MYBPC3: variants seen among roughly 807,000 people sequenced by gnomAD.
MYBPC3 encodes myosin-binding protein C, cardiac-type.
MYBPC3 carries 108 observed loss-of-function variants against 159.3 expected under a neutral mutation model. The ratio of observed to expected loss-of-function variants is 0.68; its 90% CI spans 0.58 to 0.80. MYBPC3 has a LOEUF of 0.80. MYBPC3 is among the 30% of genes least tolerant of loss of function. The pLI is 0.00. For synonymous variants in MYBPC3, 730 were observed against 702.0 expected, an observed-to-expected ratio of 1.04 and a Z score of -0.63; for missense variants, 1,631 against 1,762.1, an observed-to-expected ratio of 0.93 and a Z score of 1.33.
chr11:47,341,010 G>T lies in MYBPC3; in HGVS notation c.1920C>A (p.Pro640=). 6.4e-7 allele frequency: 1 copy of T among 1,568,538 alleles called. No individual in the cohort carries two copies. Among genetic ancestry groups the T allele is most frequent in the Non-Finnish European group, 8.6e-7 (1 of 1,157,776 alleles). The change falls in exon 20 of 35, where the codon CCC becomes CCA. Residue 640 remains proline, a synonymous_variant. Coordinates refer to ENST00000545968, the MANE Select transcript of MYBPC3 (RefSeq NM_000256.3). The stretch of plus-strand genomic sequence containing the variant: ...AGGGGCCCCAAGACTTACCCTGCCT[G>T]GGTACGAAGTCAATCTTGACCTCTG... The part of the protein sequence containing the change: ...HFMEVKIDFV[P]RQEPPKIHLD...
chr11:47,332,053 G>C lies in MYBPC3; in HGVS notation c.3814+19C>G. On this transcript the variant is annotated intron_variant, in intron 33 of 34. Coordinates refer to ENST00000545968, the MANE Select transcript of MYBPC3 (RefSeq NM_000256.3). This position sits in a 1 kb window ranked among gnomAD's most constrained non-coding sequence, Gnocchi z 4.2. ...CCGCTCTTCCCATCTCCCAGGCCCT[G>C]GCCCCGAGGGCTCCTCACCTCGCAC... 4 of 1,605,130 alleles carry C rather than the reference G, an allele frequency of 2.5e-6. No individual in the cohort carries two copies. The highest frequency in any genetic ancestry group is 2.6e-6 in the Non-Finnish European group (3 of 1,174,424).
In MYBPC3 at chr11:47,348,496, T is replaced by C. The variant is rs753271103; in HGVS notation, c.700A>G (p.Thr234Ala). The stretch of plus-strand genomic sequence containing the variant: ...GACACCTCACAGCGGTAGCTGCCAG[T>C]GAAGGCAGGCTGGGCATCGGTGATG... ...LHITDAQPAFTGSYRCEVSTK... is the reference protein window; with the variant it reads ...LHITDAQPAFAGSYRCEVSTK... The change falls in exon 6 of 35, where the codon ACT (threonine) becomes GCT (alanine). Residue 234 changes from threonine (T) to alanine (A), a missense_variant. Transcript: ENST00000545968. 1.4e-5 allele frequency: 22 copies of C among 1,613,290 alleles called. 1 individual carries two copies. In the South Asian group the frequency reaches 2.4e-4, roughly 18 times the overall value.
At chr11:47,334,420 T>C (rs2095880301) in intron 27 of MYBPC3, among the ~76,000 whole-genome samples, 1 of 152,190 alleles carries the variant, frequency 6.6e-6, no homozygotes, top group Non-Finnish European at 1.5e-5. Flanking sequence ...GGGAAGTGGA[T>C]CCCAGAGGGA....
At position 47,341,160 on chromosome 11, in the gene MYBPC3, C is replaced by G. The variant is rs1249910550; in HGVS notation, c.1875G>C (p.Leu625=). 6.3e-7 allele frequency: 1 copy of G among 1,595,268 alleles called. No individual in the cohort carries two copies. The highest frequency in any genetic ancestry group is 2.3e-5 in the East Asian group (1 of 43,800). ...CACCCATGAAGTGGAGCTTGGCTGA[C>G]AGGTTGCAGGCGAAGCCCTCGGGCA... The part of the protein sequence containing the change: ...SFVPEGFACN[L]SAKLHFMEVK... The change falls in exon 19 of 35, where the codon CTG becomes CTC. Residue 625 remains leucine, a synonymous_variant. Coordinates refer to ENST00000545968, the MANE Select transcript of MYBPC3 (RefSeq NM_000256.3).
intron 12 of MYBPC3, among the ~76,000 whole-genome samples, chr11:47,343,829 G>A (rs11570070): frequency 2.0e-5 from 3 of 152,132 alleles, no homozygotes; most frequent in Non-Finnish European, 2.9e-5. Flanking sequence ...TGCTCTGTTG[G>A]CCAGGCTGGA....
At chr11:47,342,239 G>A in intron 17 of MYBPC3, 83 bp from the exon 18 acceptor site, 1 of 1,509,774 alleles carries the variant, frequency 6.6e-7, no homozygotes, top group Non-Finnish European at 9.0e-7. Flanking sequence ...TGGGCCCATG[G>A]GCGCTGGTGC....
At chr11:47,342,345 T>C (rs1221023179) in intron 17 of MYBPC3, among the ~76,000 whole-genome samples, 189 bp from the exon 18 acceptor site, 1 of 152,218 alleles carries the variant, frequency 6.6e-6, no homozygotes, top group African/African-American at 2.4e-5. Flanking sequence ...GAACCTCAAG[T>C]GTCTGAGGGG....
chr11:47,350,557 AG>A lies in MYBPC3; in HGVS notation c.350del (p.Pro117LeufsTer42), dbSNP rs397516023. The A allele has an allele frequency of 6.5e-7, 1 of 1,546,084 alleles. No homozygotes were observed. The highest frequency in any genetic ancestry group is 1.4e-5 in the African/African-American group (1 of 71,546). On this transcript the variant is annotated frameshift_variant, in exon 3 of 35. Transcript: ENST00000545968. LOFTEE classifies it high-confidence loss of function. ...CAGCGGCTGGGGCCGGGGCTTCTCC[AG>A]GGGCTCCAGTGGCCTCAGCAGGGGC... is the stretch of plus-strand genomic sequence containing the variant. ...APAPAEATGA[P>X]GEAPAPAAEL...
chr11:47,342,033 T>A lies in MYBPC3; in HGVS notation c.1748A>T (p.Glu583Val), dbSNP rs1233621857. 6.2e-7 allele frequency: 1 copy of A among 1,602,872 alleles called. No individual in the cohort carries two copies. Among genetic ancestry groups the A allele is most frequent in the Non-Finnish European group, 8.5e-7 (1 of 1,174,392 alleles). ...CTTTATGCGGCTGTCGGGCACCAGC[T>A]CCTTCCCATTCTTCAGCCACACACC... ...VRGVWLKNGK[E>V]LVPDSRIKVS... Residue 583 changes from glutamate to valine, a missense_variant, in exon 18 of 35, where the codon GAG becomes GTG. Coordinates refer to ENST00000545968, the MANE Select transcript of MYBPC3 (RefSeq NM_000256.3).
Position 47,335,208 on chromosome 11 carries a change from G to A in MYBPC3, c.2739C>T (p.Cys913=), listed in dbSNP as rs942218205. The stretch of plus-strand genomic sequence containing the variant: ...CCTGCAGGGCAGCCACCCACTCTGA[G>A]CCTGGGGGTGGGGAGGGGGAGGCAA... The part of the protein sequence containing the change: ...GYSVEYCPEG[C]SEWVAALQGL... The change falls in exon 27 of 35, where the codon TGC becomes TGT. Residue 913 remains cysteine (C), a splice_region_variant and synonymous_variant. Coordinates refer to ENST00000545968, the MANE Select transcript of MYBPC3 (RefSeq NM_000256.3). 13 of 1,584,506 alleles carry A rather than the reference G, an allele frequency of 8.2e-6. No homozygotes were observed. The highest frequency in any genetic ancestry group is 1.1e-5 in the South Asian group (1 of 87,102).
intron 20 of MYBPC3, among the ~76,000 whole-genome samples, chr11:47,340,168 T>A (rs2095886963): frequency 6.7e-6 from 1 of 149,848 alleles, no homozygotes; most frequent in Non-Finnish European, 1.5e-5. Flanking sequence ...CACATACACA[T>A]ACACACATGC....
rs1035118341 is a variant in MYBPC3, at chr11:47,348,524, C to T, written c.672G>A (p.Leu224=). ...AGGCAGGCTGGGCATCGGTGATGTG[C>T]AGCTCGAACAGATAGACCTGTGTGC... ...DRASKVYLFE[L]HITDAQPAFT... Residue 224 remains leucine, a synonymous_variant, in exon 6 of 35, where the codon CTG becomes CTA. Coordinates refer to ENST00000545968, the MANE Select transcript of MYBPC3 (RefSeq NM_000256.3). 2.5e-6 allele frequency: 4 copies of T among 1,612,506 alleles called. No homozygotes were observed. The highest frequency in any genetic ancestry group is 3.4e-6 in the Non-Finnish European group (4 of 1,179,296).
rs764545970 is a variant in MYBPC3, at chr11:47,343,671, C to T, written c.1091-47G>A. The T allele has an allele frequency of 4.6e-6, 7 of 1,536,552 alleles. No homozygotes were observed. The African/African-American group carries it at 9.5e-5, about 21-fold the overall frequency. ...CGGCCACCCCACCGCCCGCACCCTG[C>T]TCCCCCAGGCCAAGCTACTGTGGCT... On this transcript the variant is annotated intron_variant, in intron 12 of 34. Transcript: ENST00000545968.
intron 7 of MYBPC3, 41 bp from the exon 8 acceptor site, chr11:47,347,721 C>T: frequency 1.3e-6 from 2 of 1,557,326 alleles, no homozygotes; most frequent in African/African-American, 1.4e-5. Context: ...GCCTGGGAAG[C>T]TTGCTCTCCC....
rs1169655935 is a variant in MYBPC3, at chr11:47,343,158, CGCAGGGAAGTG to C, written c.1227-24_1227-14del. ...CTCAAAGATGTACCTGGGTGGGGGC[CGCAGGGAAGTG>C]GCAGGAAAGCTGCGGACACCCCTCC... On this transcript the variant is annotated splice_polypyrimidine_tract_variant and intron_variant, in intron 14 of 34. Transcript: ENST00000545968. 4 of 1,607,902 alleles carry C rather than the reference CGCAGGGAAGTG, an allele frequency of 2.5e-6. No individual in the cohort carries two copies. In the African/African-American group the frequency reaches 4.0e-5, roughly 16 times the overall value.
At chr11:47,350,649 C>T in intron 2 of MYBPC3, 34 bp from the exon 3 acceptor site, 1 of 1,441,962 alleles carries the variant, frequency 6.9e-7, no homozygotes. Flanking sequence ...GTGGTGCAGC[C>T]ACTAACCAGA....
rs754633960 is a variant in MYBPC3 at position 47,350,544 on chromosome 11, C to T, written c.364G>A (p.Ala122Thr). 7 of 1,554,178 alleles carry T rather than the reference C, an allele frequency of 4.5e-6. No individual in the cohort carries two copies. In the East Asian group the frequency reaches 1.4e-4, roughly 31 times the overall value. The part of the protein sequence containing the change: ...EATGAPGEAP[A>T]PAAELGESAP... ...CTTTCTCCCAGCTCAGCGGCTGGGG[C>T]CGGGGCTTCTCCAGGGGCTCCAGTG... Residue 122 changes from alanine (A) to threonine (T), a missense_variant, in exon 3 of 35, where the codon GCC (alanine) becomes ACC (threonine). By Grantham distance (58) the Ala-to-Thr change is moderately conservative. Transcript: ENST00000545968.
At chr11:47,339,254 G>C (rs1003353936) in intron 22 of MYBPC3, 70 bp downstream of exon 22, 1 of 1,553,154 alleles carries the variant, frequency 6.4e-7, no homozygotes, top group African/African-American at 1.4e-5. Context: ...CCTCGCCAAG[G>C]GCTCGGCACC....
At position 47,347,018 on chromosome 11, in the gene MYBPC3, G is replaced by A. The variant is rs1425018341; in HGVS notation, c.908+9C>T. On this transcript the variant is annotated intron_variant, in intron 10 of 34. Coordinates refer to ENST00000545968, the MANE Select transcript of MYBPC3 (RefSeq NM_000256.3). Reference sequence around the variant, plus strand: ...TGCCGCCCCCAAACACCCAGACCCCGATTCTTACTCTCTGGGCCACAGCAG... The same window carrying A: ...TGCCGCCCCCAAACACCCAGACCCCAATTCTTACTCTCTGGGCCACAGCAG... 5.1e-6 allele frequency: 4 copies of A among 790,602 alleles called. No individual in the cohort carries two copies. The highest frequency in any genetic ancestry group is 2.2e-4 in the Middle Eastern group (1 of 4,472). The allele number at this position is 790,602 out of a possible 1,614,324, so 49.0% of individuals were successfully genotyped here.
Sources: gnomAD v4.1 joint callset for allele counts (sites outside exome capture counted in the v4.1 genomes callset) on GRCh38, gnomAD v4.1.1 for gene constraint, Gnocchi (gnomAD v3.1) non-coding constraint, MANE v1.5 for transcripts, NCBI Gene and HGNC (gene_info 2026-07-23, HGNC 2026-07-21) for gene names.